The following AKAP6 variants were observed in gnomAD, a reference collection of about 807,000 sequenced individuals.
AKAP6 encodes the protein A-kinase anchor protein 6.
A neutral mutation model predicts 188.5 loss-of-function variants in AKAP6; 58 were observed. The observed-to-expected ratio is 0.31, with a 90% CI of 0.25 to 0.38. The LOEUF (loss-of-function observed/expected upper bound fraction) is 0.38. Ranked by LOEUF, AKAP6 falls within the 10% of genes least tolerant of loss-of-function variation. The pLI is 1.00. For missense variants in AKAP6, 2,710 were observed against 2,740.0 expected (o/e 0.99, Z 0.24); for synonymous variants, 989 against 998.6 (o/e 0.99, Z 0.18).
chr14:32,414,699 C>G (rs1245152697), intron 1 of AKAP6, among the ~76,000 whole-genome samples: 1 of 151,832 alleles, frequency 6.6e-6, no homozygotes. Context: ...TTTTTTTGTC[C>G]TTATGTAGGC....
At chr14:32,446,661 A>C (rs1213216049) in intron 2 of AKAP6, among the ~76,000 whole-genome samples, 1 of 152,026 alleles carries the variant, frequency 6.6e-6, no homozygotes, top group African/African-American at 2.4e-5. Flanking sequence ...ATCTACAAGC[A>C]ACTATTTTTT....
At chr14:32,692,103 C>G (rs1335607754) in intron 8 of AKAP6, among the ~76,000 whole-genome samples, 1 of 152,130 alleles carries the variant, frequency 6.6e-6, no homozygotes. Context: ...AATCAAGTAT[C>G]AAGTCTAAAT....
chr14:32,782,038 G>A (rs574155387), intron 12 of AKAP6, among the ~76,000 whole-genome samples: 57 of 151,996 alleles, frequency 3.8e-4, no homozygotes, highest in African/African-American at 1.2e-3. Context: ...GGTGGTGCGC[G>A]CCTGTAATCC....
chr14:32,443,133 C>T (rs111632052), intron 2 of AKAP6, among the ~76,000 whole-genome samples: 21,027 of 152,058 alleles, frequency 0.14, 2,665 homozygotes, highest in African/African-American at 0.33. Context: ...TGGTGTCTCA[C>T]GCCTGTAATC....
chr14:32,456,588 G>A (rs1400052101), intron 2 of AKAP6, among the ~76,000 whole-genome samples: 1 of 152,204 alleles, frequency 6.6e-6, no homozygotes, highest in Non-Finnish European at 1.5e-5. Context: ...TTTTGTGGAT[G>A]TGTAATCTAA....
chr14:32,796,105 A>C (rs926339701), intron 12 of AKAP6, among the ~76,000 whole-genome samples: 1 of 152,224 alleles, frequency 6.6e-6, no homozygotes, highest in Non-Finnish European at 1.5e-5. Context: ...AAGGAGATCT[A>C]TAAACCACTG....
At chr14:32,462,305 A>G (rs981888635) in intron 2 of AKAP6, among the ~76,000 whole-genome samples, 1 of 152,184 alleles carries the variant, frequency 6.6e-6, no homozygotes. Context: ...GTAATGAAGG[A>G]AAAAATATTA....
intron 13 of AKAP6, among the ~76,000 whole-genome samples, chr14:32,829,177 G>C (rs4617754): frequency 0.96 from 146,201 of 152,302 alleles, 70,452 homozygotes; most frequent in East Asian, 1. Context: ...AAGTTTGGAA[G>C]AAATTTATAT....
chr14:32,426,167 C>G (rs961728599), intron 1 of AKAP6, among the ~76,000 whole-genome samples: 1 of 152,114 alleles, frequency 6.6e-6, no homozygotes, highest in Non-Finnish European at 1.5e-5. Flanking sequence ...TCGCACTTAT[C>G]TTTCCTTTAC....
At chr14:32,800,263 A>G (rs1020782341) in intron 12 of AKAP6, among the ~76,000 whole-genome samples, 2 of 150,848 alleles carry the variant, frequency 1.3e-5, no homozygotes, top group Non-Finnish European at 2.9e-5. Flanking sequence ...TTAGCCAGGC[A>G]TGGTGGTACA....
At chr14:32,694,764 G>T (rs1394290483) in intron 8 of AKAP6, among the ~76,000 whole-genome samples, 2 of 151,390 alleles carry the variant, frequency 1.3e-5, no homozygotes, top group Non-Finnish European at 2.9e-5. Flanking sequence ...TTTTTTGACA[G>T]ATCTATTAAG....
intron 12 of AKAP6, among the ~76,000 whole-genome samples, chr14:32,795,622 G>T (rs945533585): frequency 1.3e-5 from 2 of 152,114 alleles, no homozygotes; most frequent in African/African-American, 4.8e-5. Flanking sequence ...AATAAACTAG[G>T]TATTAAAGGA....
chr14:32,471,742 T>C (rs2138862795), intron 2 of AKAP6, among the ~76,000 whole-genome samples: 1 of 152,336 alleles, frequency 6.6e-6, no homozygotes, highest in African/African-American at 2.4e-5. Flanking sequence ...ATAAACTGTT[T>C]TTATTATCTG....
At chr14:32,458,034 G>A (rs1891201984) in intron 2 of AKAP6, among the ~76,000 whole-genome samples, 1 of 152,166 alleles carries the variant, frequency 6.6e-6, no homozygotes, top group South Asian at 2.1e-4. Context: ...GCAAGTTAGT[G>A]TGAGTGAAAA....
intron 7 of AKAP6, among the ~76,000 whole-genome samples, chr14:32,613,720 C>T (rs75539188): frequency 0.014 from 2,139 of 152,174 alleles, 53 homozygotes; most frequent in African/African-American, 0.049. Context: ...CCTGGCCTGT[C>T]GTACACCCAG....
At position 32,600,760 on chromosome 14, in the gene AKAP6, G is replaced by T. The variant is rs368282282; in HGVS notation, c.2698G>T (p.Val900Leu). Residue 900 changes from valine (V) to leucine (L), a missense_variant, in exon 7 of 14, where the codon GTG (valine) becomes TTG (leucine). Transcript: ENST00000280979. The part of the protein sequence containing the change: ...KAEILATDVS[V>L]EDEEGTGSPK... ...CGAGATACTGGCTACTGATGTGTCT[G>T]TGGAGGATGAGGAAGGGACTGGAAG... The T allele has an allele frequency of 2.5e-6, 4 of 1,611,720 alleles. No homozygotes were observed. The highest frequency in any genetic ancestry group is 3.4e-6 in the Non-Finnish European group (4 of 1,179,016).
At chr14:32,612,025 G>A (rs138386749) in intron 7 of AKAP6, among the ~76,000 whole-genome samples, 2,125 of 152,190 alleles carry the variant, frequency 0.014, 52 homozygotes, top group African/African-American at 0.048. Context: ...TTGAATAGAG[G>A]GAGGGTTGAA....
At chr14:32,469,419 G>C (rs758136407) in intron 2 of AKAP6, among the ~76,000 whole-genome samples, 2 of 152,196 alleles carry the variant, frequency 1.3e-5, no homozygotes, top group African/African-American at 2.4e-5. Flanking sequence ...TAAACTACCA[G>C]TAGATTCCTA....
intron 2 of AKAP6, among the ~76,000 whole-genome samples, chr14:32,502,422 C>T (rs1314138364): frequency 6.6e-6 from 1 of 152,064 alleles, no homozygotes; most frequent in Non-Finnish European, 1.5e-5. Context: ...TTAAATTACC[C>T]ACGGCAAACT....
Sources: gnomAD v4.1 joint callset for allele counts (sites outside exome capture counted in the v4.1 genomes callset) on GRCh38, gnomAD v4.1.1 for gene constraint, MANE v1.5 for transcripts, NCBI Gene and HGNC (gene_info 2026-07-23, HGNC 2026-07-21) for gene names.